PCDH15: variants seen among roughly 807,000 people sequenced by gnomAD.
PCDH15 encodes protocadherin-15.
In PCDH15, 129 loss-of-function variants were observed where a neutral mutation model predicts 178.5. The observed-to-expected ratio is 0.72, with a 90% CI of 0.63 to 0.84. The LOEUF (loss-of-function observed/expected upper bound fraction) is 0.84, where lower values mean the gene tolerates loss of function less well. PCDH15 is among the 40% of genes least tolerant of loss of function. PCDH15 has a pLI of 0.00. For missense variants in PCDH15, 2,230 were observed against 2,099.9 expected, an observed-to-expected ratio of 1.06 and a Z score of -1.21; for synonymous variants, 800 against 732.0, an observed-to-expected ratio of 1.09 and a Z score of -1.50.
chr10:53,901,557 A>G (rs1335668085), intron 26 of PCDH15, among the ~76,000 whole-genome samples: 1 of 152,158 alleles, frequency 6.6e-6, no homozygotes, highest in Non-Finnish European at 1.5e-5. Context: ...TCCCCCATGC[A>G]GCATCTACAA....
At chr10:54,744,454 C>A (rs12416350) in intron 1 of PCDH15, among the ~76,000 whole-genome samples, 32,105 of 151,828 alleles carry the variant, frequency 0.21, 3,914 homozygotes, top group East Asian at 0.34. Context: ...TAAAACATAA[C>A]TTTAGAGGAA....
intron 1 of PCDH15, among the ~76,000 whole-genome samples, chr10:54,688,841 C>A (rs1436171262): frequency 1.3e-5 from 2 of 152,074 alleles, no homozygotes; most frequent in Non-Finnish European, 2.9e-5. Context: ...CAAGTTGTCT[C>A]TCCATAGAAT....
chr10:54,701,314 A>G (rs561038713), intron 1 of PCDH15, among the ~76,000 whole-genome samples: 1 of 152,184 alleles, frequency 6.6e-6, no homozygotes, highest in South Asian at 2.1e-4. Flanking sequence ...GGAGTGTTAA[A>G]TATGGAAAGG....
chr10:54,432,309 C>T (rs774011871), intron 3 of PCDH15, among the ~76,000 whole-genome samples: 4 of 151,784 alleles, frequency 2.6e-5, no homozygotes, highest in Non-Finnish European at 5.9e-5. Flanking sequence ...GGAGAAATCA[C>T]ATTACCTGGC....
At chr10:54,662,485 A>G (rs982131826) in intron 2 of PCDH15, among the ~76,000 whole-genome samples, 2 of 152,002 alleles carry the variant, frequency 1.3e-5, no homozygotes, top group Non-Finnish European at 2.9e-5. Context: ...TCACTTGGCA[A>G]GTCTGAAATT....
chr10:55,397,470 A>C (rs1837957456), intron 2 of PCDH15, among the ~76,000 whole-genome samples: 1 of 152,144 alleles, frequency 6.6e-6, no homozygotes, highest in Non-Finnish European at 1.5e-5. Flanking sequence ...TTTGTCTGTT[A>C]CTTTTGTAAT....
At chr10:53,813,085 TTGAAAAA>T (rs1441760609) in intron 35 of PCDH15, among the ~76,000 whole-genome samples, 1 of 152,152 alleles carries the variant, frequency 6.6e-6, no homozygotes, top group Non-Finnish European at 1.5e-5. Context: ...TTGGTTTCTC[TTGAAAAA>T]TAAAAAGATG....
At chr10:54,509,266 C>CATGG (rs1426905662) in intron 3 of PCDH15, among the ~76,000 whole-genome samples, 5 of 152,006 alleles carry the variant, frequency 3.3e-5, no homozygotes, top group Non-Finnish European at 5.9e-5. Context: ...ATAATTGAAT[C>CATGG]ATGGGGGTGG....
chr10:55,343,057 T>C (rs1158081695), intron 2 of PCDH15, among the ~76,000 whole-genome samples: 2 of 152,144 alleles, frequency 1.3e-5, no homozygotes, highest in Admixed American at 1.3e-4. Context: ...GAAACCAATA[T>C]GGGTCTCTGA....
At chr10:54,916,966 G>T (rs908369559) in intron 2 of PCDH15, among the ~76,000 whole-genome samples, 17 of 152,082 alleles carry the variant, frequency 1.1e-4, no homozygotes, top group African/African-American at 4.1e-4. Flanking sequence ...CATGTATGCA[G>T]GACATAATAC....
At chr10:54,296,618 G>T (rs913912976) in intron 8 of PCDH15, among the ~76,000 whole-genome samples, 1 of 152,056 alleles carries the variant, frequency 6.6e-6, no homozygotes, top group Admixed American at 6.5e-5. Flanking sequence ...TAGGCACCCA[G>T]GCTCACCAAT....
At chr10:55,079,840 C>T (rs903665098) in intron 2 of PCDH15, among the ~76,000 whole-genome samples, 1 of 152,088 alleles carries the variant, frequency 6.6e-6, no homozygotes, top group Non-Finnish European at 1.5e-5. Flanking sequence ...GGTGCAATAG[C>T]TGGAGTGATT....
chr10:55,065,538 TA>T (rs1381374731), intron 2 of PCDH15, among the ~76,000 whole-genome samples: 1 of 152,064 alleles, frequency 6.6e-6, no homozygotes, highest in Non-Finnish European at 1.5e-5. Context: ...GTCTTGTATG[TA>T]TCTGTTTACA....
intron 2 of PCDH15, among the ~76,000 whole-genome samples, chr10:55,329,426 G>T (rs558118070): frequency 6.6e-5 from 10 of 151,624 alleles, no homozygotes; most frequent in Middle Eastern, 3.4e-3. Flanking sequence ...AAGCTCTTTG[G>T]AGTCCTCAAT....
chr10:54,873,774 T>G (rs1260947034), intron 3 of PCDH15, among the ~76,000 whole-genome samples: 1 of 145,564 alleles, frequency 6.9e-6, no homozygotes, highest in Admixed American at 6.9e-5. Flanking sequence ...GTGTGTGTGT[T>G]GTGTGTGTGT....
chr10:54,133,060 T>C, intron 14 of PCDH15, 53 bp from the exon 15 acceptor site: 1 of 1,611,050 alleles, frequency 6.2e-7, no homozygotes, highest in Non-Finnish European at 8.5e-7. Flanking sequence ...TCACATTTAA[T>C]GTTAGACTGC....
chr10:55,015,636 G>T (rs1195281613), intron 2 of PCDH15, among the ~76,000 whole-genome samples: 1 of 152,060 alleles, frequency 6.6e-6, no homozygotes. Context: ...CACTAAAACT[G>T]GGTAATTTAT....
chr10:55,274,742 T>TA (rs1842541712), intron 1 of PCDH15, among the ~76,000 whole-genome samples: 1 of 152,074 alleles, frequency 6.6e-6, no homozygotes, highest in African/African-American at 2.4e-5. Context: ...GTGGGGACTG[T>TA]AGGGAGGGTG....
chr10:54,996,432 A>G (rs1839645641), intron 2 of PCDH15, among the ~76,000 whole-genome samples: 1 of 152,082 alleles, frequency 6.6e-6, no homozygotes, highest in South Asian at 2.1e-4. Flanking sequence ...TTCACTTTGG[A>G]TACTTGGGGC....
Sources: gnomAD v4.1 joint callset for allele counts (sites outside exome capture counted in the v4.1 genomes callset) on GRCh38, gnomAD v4.1.1 for gene constraint, MANE v1.5 for transcripts, NCBI Gene and HGNC (gene_info 2026-07-23, HGNC 2026-07-21) for gene names.